The following CPT1B variants were observed in gnomAD, a reference collection of about 807,000 sequenced individuals.
CPT1B encodes carnitine palmitoyltransferase 1B, also known as carnitine O-palmitoyltransferase 1, muscle isoform.
Under a neutral mutation model 92.7 loss-of-function variants are expected in CPT1B, and 57 were observed. The observed-to-expected ratio is 0.62, with a 90% CI of 0.50 to 0.77. The LOEUF (loss-of-function observed/expected upper bound fraction) is 0.77. Among genes scored for constraint, CPT1B ranks in the 30% least tolerant of loss-of-function variants. The pLI, the probability that CPT1B is intolerant of heterozygous loss-of-function variation, is 0.00. For synonymous variants in CPT1B, 398 were observed against 383.5 expected (o/e 1.04, Z -0.44); for missense variants, 983 against 1,017.4 (o/e 0.97, Z 0.46).
In CPT1B at chr22:50,576,258, G is replaced by C. The variant is rs1300398613; in HGVS notation, c.639C>G (p.Asp213Glu). The change falls in exon 6 of 20, where the codon GAC (aspartate) becomes GAG (glutamate). Residue 213 changes from aspartate to glutamate, a missense_variant. Physicochemically the swap from Asp to Glu is conservative, Grantham distance 45. Coordinates refer to ENST00000312108, the MANE Select transcript of CPT1B (RefSeq NM_152246.3). ...RMELLAKEFQ[D>E]KTAPRLQKYL... is the part of the protein sequence containing the mutation. ...ATTTCTGCAGCCTGGGGGCAGTCTT[G>C]TCCTGGAATTCTTTGGCCAGCAACT... is the stretch of plus-strand genomic sequence containing the variant. 6.2e-7 allele frequency: 1 copy of C among 1,614,078 alleles called. No individual in the cohort carries two copies. Among genetic ancestry groups the C allele is most frequent in the Admixed American group, 1.7e-5 (1 of 60,022 alleles).
chr22:50,571,107 G>A (rs1238984070), intron 15 of CPT1B, 51 bp downstream of exon 15: 6 of 1,611,732 alleles, frequency 3.7e-6, no homozygotes, highest in African/African-American at 1.3e-5. Context: ...GGAGGCAGAG[G>A]GGGCACCTCA....
At position 50,577,203 on chromosome 22, in the gene CPT1B, G is replaced by T. The variant is rs1170505699; in HGVS notation, c.281+121C>A. On this transcript the variant is annotated intron_variant, in intron 3 of 19. Coordinates refer to ENST00000312108, the MANE Select transcript of CPT1B (RefSeq NM_152246.3). ...TAAGACAATGGTTGTCATAGGGGAG[G>T]GCTGCCCCGTGACTGCCAATGGCTG... The T allele has an allele frequency of 2.8e-6, 4 of 1,423,576 alleles. No homozygotes were observed. In the East Asian group the frequency reaches 6.9e-5, roughly 25 times the overall value. The allele number at this position is 1,423,576 out of a possible 1,614,324, so 88.2% of individuals were successfully genotyped here. A position where few individuals can be genotyped will look rare whatever the true frequency, so the allele number is the denominator to read the frequency against.
At chr22:50,576,696 A>G (rs1037898242) in intron 4 of CPT1B, 59 bp from the exon 5 acceptor site, 3 of 1,579,780 alleles carry the variant, frequency 1.9e-6, no homozygotes, top group Admixed American at 3.3e-5. Context: ...GAAACCAACC[A>G]GCAACTCCCT....
At chr22:50,574,444 A>T (rs754082526) in intron 8 of CPT1B, 25 bp from the exon 9 acceptor site, 3 of 1,613,778 alleles carry the variant, frequency 1.9e-6, no homozygotes, top group Non-Finnish European at 2.5e-6. Context: ...AGCATGGCTC[A>T]GACTCAGGTC....
At position 50,571,256 on chromosome 22, in the gene CPT1B, T is replaced by C; in HGVS notation, c.1777A>G (p.Met593Val). Reference protein sequence around the residue: ...GKFCLTYEASMTRMFREGRTE... With the variant: ...GKFCLTYEASVTRMFREGRTE... ...CGTCCCTCCCGGAACATTCTGGTCA[T>C]TGAGGCCTCATAGGTCAGGCAGAAC... The change falls in exon 15 of 20, where the codon ATG becomes GTG. Residue 593 changes from methionine to valine, a missense_variant. Transcript: ENST00000312108. 1.9e-6 allele frequency: 3 copies of C among 1,614,036 alleles called. No individual in the cohort carries two copies. Among genetic ancestry groups the C allele is most frequent in the Non-Finnish European group, 2.5e-6 (3 of 1,180,020 alleles).
intron 1 of CPT1B, 124 bp from the exon 2 acceptor site, chr22:50,578,058 C>T (rs2070549850): frequency 3.8e-6 from 2 of 519,582 alleles, no homozygotes; most frequent in Non-Finnish European, 5.2e-6. Context: ...CGGCTGCCCC[C>T]GGCCCGCGCC....
Position 50,577,084 on chromosome 22 carries a change from G to A in CPT1B, c.282-50C>T, listed in dbSNP as rs745478153. ...AGGGGGTCCTCTTGAGGCCAGCCTC[G>A]GGTGGCTGTGAACTGTCTCAGGGGA... On this transcript the variant is annotated intron_variant, in intron 3 of 19. Transcript: ENST00000312108. The A allele has an allele frequency of 6.9e-6, 11 of 1,597,656 alleles. No individual in the cohort carries two copies. The African/African-American group carries it at 8.0e-5, about 12-fold the overall frequency.
intron 2 of CPT1B, 54 bp from the exon 3 acceptor site, chr22:50,577,517 C>T: frequency 1.2e-6 from 2 of 1,600,702 alleles, no homozygotes; most frequent in Admixed American, 1.7e-5. Flanking sequence ...GGTTAGCCTG[C>T]CTGTGAAGTC....
At position 50,577,363 on chromosome 22, in the gene CPT1B, A is replaced by G. The variant is rs757071116; in HGVS notation, c.242T>C (p.Leu81Ser). The change falls in exon 3 of 20, where the codon TTG (leucine) becomes TCG (serine). Residue 81 changes from leucine (L) to serine (S), a missense_variant. Physicochemically the swap from Leu to Ser is moderately radical, Grantham distance 145. Coordinates refer to ENST00000312108, the MANE Select transcript of CPT1B (RefSeq NM_152246.3). Reference protein sequence around the residue: ...GSSFCNVDISLGLVSCIQRCL... With the variant: ...GSSFCNVDISSGLVSCIQRCL... ...TCTCTGGATGCAACTGACCAGCCCC[A>G]AGGAGATGTCCACGTTGCAGAAGGA... is the stretch of plus-strand genomic sequence containing the variant. 8 of 1,613,842 alleles carry G rather than the reference A, an allele frequency of 5.0e-6. No individual in the cohort carries two copies. The African/African-American group carries it at 1.1e-4, about 22-fold the overall frequency.
Position 50,569,647 on chromosome 22 carries a change from C to T in CPT1B, c.2164G>A (p.Val722Ile). ...FGPVADDGYG[V>I]SYMIAGENTI... ...TTCTCGCCTGCAATCATGTAGGAAA[C>T]TCCATAGCCATCATCTGCTACCTGA... Residue 722 changes from valine to isoleucine, a missense_variant, in exon 18 of 20, where the codon GTT becomes ATT. By Grantham distance (29) the Val-to-Ile change is conservative. Transcript: ENST00000312108. 6.2e-7 allele frequency: 1 copy of T among 1,614,000 alleles called. No homozygotes were observed. The highest frequency in any genetic ancestry group is 1.1e-5 in the South Asian group (1 of 91,082).
chr22:50,572,323 G>C lies in CPT1B; in HGVS notation c.1353-15C>G. ...TGTCAAACCACCTGCAGGAAGAGTAGACACATGAAGAACCAAAGCTGGGAA... is the reference window on the plus strand; with the variant it reads ...TGTCAAACCACCTGCAGGAAGAGTACACACATGAAGAACCAAAGCTGGGAA... On this transcript the variant is annotated splice_polypyrimidine_tract_variant and intron_variant, in intron 11 of 19. Coordinates refer to ENST00000312108, the MANE Select transcript of CPT1B (RefSeq NM_152246.3). 6.3e-7 allele frequency: 1 copy of C among 1,575,166 alleles called. No individual in the cohort carries two copies. Among genetic ancestry groups the C allele is most frequent in the African/African-American group, 1.3e-5 (1 of 74,276 alleles).
Position 50,576,191 on chromosome 22 carries a change from A to C in CPT1B, c.699+7T>G, listed in dbSNP as rs376032376. On this transcript the variant is annotated splice_region_variant and intron_variant, in intron 6 of 19. Coordinates refer to ENST00000312108, the MANE Select transcript of CPT1B (RefSeq NM_152246.3). ...AGGTGACAGTGAGCCCAGGGGCAGG[A>C]ACTTACATAGTTACTTGCCCACCAT... 1.2e-6 allele frequency: 2 copies of C among 1,614,066 alleles called. No individual in the cohort carries two copies. Among genetic ancestry groups the C allele is most frequent in the African/African-American group, 2.7e-5 (2 of 75,000 alleles).
At chr22:50,576,418 A>C (rs2070439267) in intron 5 of CPT1B, 83 bp from the exon 6 acceptor site, 1 of 1,605,048 alleles carries the variant, frequency 6.2e-7, no homozygotes. Flanking sequence ...CTCCCTCCTC[A>C]CCCAGCCCCA....
At chr22:50,570,870 A>G in intron 16 of CPT1B, 21 bp downstream of exon 16, 1 of 1,610,206 alleles carries the variant, frequency 6.2e-7, no homozygotes, top group South Asian at 1.1e-5. Context: ...GACAAAGGAC[A>G]CACCCAACAA....
At position 50,572,983 on chromosome 22, in the gene CPT1B, G is replaced by A; in HGVS notation, c.1244C>T (p.Ala415Val). The change falls in exon 11 of 20, where the codon GCC (alanine) becomes GTC (valine). Residue 415 changes from alanine (A) to valine (V), a missense_variant. Physicochemically the swap from Ala to Val is moderately conservative, Grantham distance 64. Coordinates refer to ENST00000312108, the MANE Select transcript of CPT1B (RefSeq NM_152246.3). ...CTCATCCAGGGCCACGAAGAAAGCG[G>A]CACGCTCGATGGCCTCCAAGGCAGC... is the stretch of plus-strand genomic sequence containing the variant. ...NKAALEAIER[A>V]AFFVALDEES... is the part of the protein sequence containing the mutation. 2 of 1,613,730 alleles carry A rather than the reference G, an allele frequency of 1.2e-6. No individual in the cohort carries two copies. Among genetic ancestry groups the A allele is most frequent in the Non-Finnish European group, 1.7e-6 (2 of 1,179,864 alleles).
At chr22:50,569,518 C>T in intron 18 of CPT1B, 58 bp downstream of exon 18, 1 of 1,603,604 alleles carries the variant, frequency 6.2e-7, no homozygotes, top group Non-Finnish European at 8.5e-7. Context: ...CACCTGTGTT[C>T]CTGGGCAGCC....
chr22:50,574,328 C>T lies in CPT1B; in HGVS notation c.970+7G>A. 6.2e-7 allele frequency: 1 copy of T among 1,609,242 alleles called. No homozygotes were observed. Among genetic ancestry groups the T allele is most frequent in the Non-Finnish European group, 8.5e-7 (1 of 1,177,606 alleles). ...GCCCACAGGTAGCAGCGAGGGGGCTCAGTTACCTGTGTCCTTGCCCGGGAT... is the reference window on the plus strand; with the variant it reads ...GCCCACAGGTAGCAGCGAGGGGGCTTAGTTACCTGTGTCCTTGCCCGGGAT... On this transcript the variant is annotated splice_region_variant and intron_variant, in intron 9 of 19. Coordinates refer to ENST00000312108, the MANE Select transcript of CPT1B (RefSeq NM_152246.3).
intron 13 of CPT1B, 113 bp downstream of exon 13, chr22:50,571,893 G>A: frequency 9.7e-7 from 1 of 1,033,648 alleles, no homozygotes; most frequent in Non-Finnish European, 1.5e-6. Flanking sequence ...GCCTTCCCGA[G>A]GGCTGGGCCA....
rs2070199551 is a variant in CPT1B, at chr22:50,572,004, A to G, written c.1575+2T>C. 1 of 1,613,224 alleles carries G rather than the reference A, an allele frequency of 6.2e-7. No homozygotes were observed. Among genetic ancestry groups the G allele is most frequent in the Non-Finnish European group, 8.5e-7 (1 of 1,179,674 alleles). On this transcript the variant is annotated splice_donor_variant, in intron 13 of 19. Coordinates refer to ENST00000312108, the MANE Select transcript of CPT1B (RefSeq NM_152246.3). LOFTEE classifies it high-confidence loss of function. The stretch of plus-strand genomic sequence containing the variant: ...CACCTGCTCTGGGAGCTTCCAACCC[A>G]CCTGTTTTGGAATGTCCCACTGCAG...
Sources: allele counts gnomAD v4.1 joint callset, GRCh38; gene constraint gnomAD v4.1.1; transcripts MANE v1.5; gene names NCBI Gene and HGNC (gene_info 2026-07-23, HGNC 2026-07-21).